ABHD12B: variants seen among roughly 807,000 people sequenced by gnomAD.
The protein encoded by ABHD12B is protein ABHD12B.
A neutral mutation model predicts 50.4 loss-of-function variants in ABHD12B; 42 were observed. The ratio of observed to expected loss-of-function variants is 0.83; its 90% CI spans 0.65 to 1.08. The LOEUF (loss-of-function observed/expected upper bound fraction) is 1.08, where lower values mean the gene tolerates loss of function less well. ABHD12B is among the 50% of genes least tolerant of loss of function. The probability of loss-of-function intolerance (pLI) is 0.00; values close to 1 mark genes in which losing one functional copy is unlikely to be tolerated. For missense variants in ABHD12B, 479 were observed against 447.7 expected (o/e 1.07, Z -0.63); for synonymous variants, 167 against 160.3 (o/e 1.04, Z -0.32).
At chr14:50,886,747 A>G in intron 8 of ABHD12B, 63 bp downstream of exon 8, 1 of 1,462,402 alleles carries the variant, frequency 6.8e-7, no homozygotes, top group Middle Eastern at 2.2e-4. Context: ...AAAACAGTCA[A>G]GAGACTATTG....
At chr14:50,896,103 G>T (rs960398403) in intron 9 of ABHD12B, among the ~76,000 whole-genome samples, 15 of 151,882 alleles carry the variant, frequency 9.9e-5, no homozygotes, top group African/African-American at 3.6e-4. Flanking sequence ...CTTGGTGACC[G>T]ATCATGCACC....
chr14:50,890,344 T>C (rs1372805418), intron 9 of ABHD12B, among the ~76,000 whole-genome samples: 1 of 152,212 alleles, frequency 6.6e-6, no homozygotes, highest in Non-Finnish European at 1.5e-5. Context: ...AACTATTACC[T>C]ACGTCAAGAA....
In ABHD12B at chr14:50,885,817, C is replaced by A; in HGVS notation, c.584C>A (p.Ala195Asp). The change falls in exon 7 of 13, where the codon GCC (alanine) becomes GAC (aspartate). Residue 195 changes from alanine (A) to aspartate (D), a missense_variant. Transcript: ENST00000337334. ...ACAGAGGAGGGACTGACTACGGATG[C>A]CATTTGTGTCTATGAGTGGACCAAG... Reference protein sequence around the residue: ...KPTEEGLTTDAICVYEWTKAR... With the variant: ...KPTEEGLTTDDICVYEWTKAR... 1.2e-6 allele frequency: 2 copies of A among 1,614,144 alleles called. No homozygotes were observed. Among genetic ancestry groups the A allele is most frequent in the South Asian group, 1.1e-5 (1 of 91,064 alleles).
At chr14:50,891,307 A>G (rs2050113697) in intron 9 of ABHD12B, 1 of 151,202 alleles carries the variant, frequency 6.6e-6, no homozygotes, top group South Asian at 2.1e-4. Context: ...CAGTGGCGTG[A>G]TATCGGCTCA....
intron 9 of ABHD12B, among the ~76,000 whole-genome samples, chr14:50,898,889 C>T (rs569452649): frequency 1.3e-5 from 2 of 152,172 alleles, no homozygotes; most frequent in African/African-American, 4.8e-5. Flanking sequence ...CCAGACAAAT[C>T]CCACAGAACC....
intron 9 of ABHD12B, chr14:50,892,163 G>C (rs1256730766): frequency 6.6e-6 from 1 of 152,472 alleles, no homozygotes; most frequent in Non-Finnish European, 1.5e-5. Flanking sequence ...AAATTCATGA[G>C]TATTGTGTTT....
Position 50,893,912 on chromosome 14 carries a change from C to T in ABHD12B, c.780+5009C>T, listed in dbSNP as rs140316024. Among the ~76,000 whole-genome samples the T allele has an allele frequency of 2.9e-3, 438 of 152,350 alleles. 1 individual carries two copies. The highest frequency in any genetic ancestry group is 8.9e-3 in the African/African-American group (368 of 41,576). ...AGAGACAAAGGAGACACGTTTTATC[C>T]GTGGACCCAAAACTCCGGCGCTGGC... On this transcript the variant is annotated intron_variant, in intron 9 of 12. Transcript: ENST00000337334.
At chr14:50,885,336 T>A (rs1448960101) in intron 5 of ABHD12B, among the ~76,000 whole-genome samples, 2 of 152,208 alleles carry the variant, frequency 1.3e-5, no homozygotes, top group Non-Finnish European at 2.9e-5. Flanking sequence ...TTTTTAATCT[T>A]CATCGAATAT....
intron 4 of ABHD12B, 72 bp from the exon 5 acceptor site, chr14:50,881,524 G>A (rs1326939437): frequency 1.3e-6 from 2 of 1,505,950 alleles, no homozygotes; most frequent in Non-Finnish European, 1.8e-6. Flanking sequence ...GCACGAGAGT[G>A]ATTTTTATTG....
intron 4 of ABHD12B, among the ~76,000 whole-genome samples, chr14:50,881,069 T>A (rs1418329585): frequency 6.6e-6 from 1 of 152,204 alleles, no homozygotes; most frequent in Non-Finnish European, 1.5e-5. Context: ...TGACTAATTC[T>A]AGAATATTCA....
chr14:50,879,760 G>T (rs2049914240), intron 3 of ABHD12B, among the ~76,000 whole-genome samples: 1 of 152,220 alleles, frequency 6.6e-6, no homozygotes, highest in Non-Finnish European at 1.5e-5. Context: ...ATCTCATCAA[G>T]ATCAGCTCAT....
chr14:50,873,268 G>A (rs979355930), intron 1 of ABHD12B, among the ~76,000 whole-genome samples: 1 of 151,564 alleles, frequency 6.6e-6, no homozygotes, highest in East Asian at 1.9e-4. Context: ...TGTTGCCCAG[G>A]CTGGAGTGCA....
At chr14:50,873,197 G>A (rs558701242) in intron 1 of ABHD12B, among the ~76,000 whole-genome samples, 51 of 152,040 alleles carry the variant, frequency 3.4e-4, no homozygotes, top group Middle Eastern at 3.4e-3. Flanking sequence ...GATGACAAAC[G>A]GGGATCTTTT....
chr14:50,886,479 C>T (rs1007176912), intron 7 of ABHD12B, among the ~76,000 whole-genome samples, 168 bp from the exon 8 acceptor site: 1 of 151,110 alleles, frequency 6.6e-6, no homozygotes, highest in Non-Finnish European at 1.5e-5. Flanking sequence ...AAGAAAATGA[C>T]CCCCTTAGTA....
intron 5 of ABHD12B, among the ~76,000 whole-genome samples, chr14:50,882,973 C>CAAAAAAA (rs10648046): frequency 1.6e-4 from 18 of 112,800 alleles, no homozygotes; most frequent in South Asian, 3.2e-4. Flanking sequence ...GACCCTGACT[C>CAAAAAAA]AAAAAAAAAA....
intron 9 of ABHD12B, among the ~76,000 whole-genome samples, chr14:50,889,898 G>C (rs1277607258): frequency 6.6e-6 from 1 of 152,154 alleles, no homozygotes; most frequent in Non-Finnish European, 1.5e-5. Context: ...AGCCATCATA[G>C]ATAGAATTCC....
intron 3 of ABHD12B, among the ~76,000 whole-genome samples, chr14:50,879,078 T>C (rs139139164): frequency 1.8e-3 from 271 of 152,358 alleles, no homozygotes; most frequent in Middle Eastern, 3.4e-3. Flanking sequence ...CACCCATCCC[T>C]TCTGCCTTAT....
chr14:50,892,248 T>A (rs1177570379), intron 9 of ABHD12B: 1 of 190,032 alleles, frequency 5.3e-6, no homozygotes, highest in Non-Finnish European at 9.7e-6. Flanking sequence ...TTAGGTCATA[T>A]TCTCCTAGAA....
At chr14:50,899,925 A>G (rs1239977011) in intron 9 of ABHD12B, among the ~76,000 whole-genome samples, 1 of 151,854 alleles carries the variant, frequency 6.6e-6, no homozygotes. Context: ...CTGTCTAAAA[A>G]AAAAAAAAAG....
Sources: gnomAD v4.1 joint callset for allele counts (sites outside exome capture counted in the v4.1 genomes callset) on GRCh38, gnomAD v4.1.1 for gene constraint, MANE v1.5 for transcripts, NCBI Gene and HGNC (gene_info 2026-07-23, HGNC 2026-07-21) for gene names.